The following IPO11 variants were observed in gnomAD, a reference collection of about 807,000 sequenced individuals.
The protein encoded by IPO11 is importin-11.
A neutral mutation model predicts 143.2 loss-of-function variants in IPO11; 66 were observed. The ratio of observed to expected loss-of-function variants is 0.46; its 90% CI spans 0.38 to 0.57. The LOEUF is 0.57. Ranked by LOEUF, IPO11 falls within the 20% of genes least tolerant of loss-of-function variation. The pLI, the probability that IPO11 is intolerant of heterozygous loss-of-function variation, is 0.00. For synonymous variants in IPO11, 385 were observed against 377.8 expected, an observed-to-expected ratio of 1.02 and a Z score of -0.22; for missense variants, 1,026 against 1,141.0, an observed-to-expected ratio of 0.90 and a Z score of 1.45.
At chr5:62,464,914 A>G (rs1745514467) in intron 5 of IPO11, among the ~76,000 whole-genome samples, 4 of 152,354 alleles carry the variant, frequency 2.6e-5, no homozygotes, top group South Asian at 4.1e-4. Flanking sequence ...AAGAAAAGCT[A>G]TAAAATTACT....
chr5:62,433,151 T>G (rs563654295), intron 1 of IPO11, among the ~76,000 whole-genome samples: 11 of 151,630 alleles, frequency 7.3e-5, no homozygotes, highest in Admixed American at 3.3e-4. Context: ...TTTTTGTTTT[T>G]TGTTTTTTTT....
chr5:62,479,860 T>A (rs1343602138), intron 9 of IPO11, among the ~76,000 whole-genome samples: 2 of 152,234 alleles, frequency 1.3e-5, no homozygotes, highest in East Asian at 3.8e-4. Context: ...ATGAGTAGAT[T>A]GCAAAAATTT....
chr5:62,467,546 G>A (rs1745614517), intron 6 of IPO11, among the ~76,000 whole-genome samples: 1 of 151,960 alleles, frequency 6.6e-6, no homozygotes, highest in Non-Finnish European at 1.5e-5. Context: ...TCTAGTTTTT[G>A]TTTCTACTTT....
chr5:62,549,434 A>C (rs1257130108), intron 24 of IPO11, among the ~76,000 whole-genome samples: 2 of 152,180 alleles, frequency 1.3e-5, no homozygotes, highest in African/African-American at 4.8e-5. Context: ...CAGACACTGG[A>C]AGATGCTAAA....
chr5:62,482,421 T>C (rs1746246577), intron 9 of IPO11, among the ~76,000 whole-genome samples: 1 of 152,206 alleles, frequency 6.6e-6, no homozygotes, highest in Non-Finnish European at 1.5e-5. Flanking sequence ...CTTGTGGACA[T>C]TTAGTGCTAT....
chr5:62,513,256 C>CG (rs1229279117), intron 19 of IPO11, among the ~76,000 whole-genome samples: 1 of 150,042 alleles, frequency 6.7e-6, no homozygotes, highest in Non-Finnish European at 1.5e-5. Context: ...GGTGGCCGGG[C>CG]GGGGGGCTGA....
chr5:62,471,592 A>G (rs1038129017), intron 7 of IPO11, among the ~76,000 whole-genome samples: 2 of 152,284 alleles, frequency 1.3e-5, no homozygotes, highest in Admixed American at 6.5e-5. Context: ...TTCTCACTCA[A>G]TTTGATACAA....
chr5:62,445,529 A>G (rs1256319763), intron 3 of IPO11, among the ~76,000 whole-genome samples: 2 of 152,098 alleles, frequency 1.3e-5, no homozygotes, highest in African/African-American at 2.4e-5. Context: ...CGAAAACAAT[A>G]TATATGTATT....
At chr5:62,468,087 A>G (rs1056058456) in intron 6 of IPO11, among the ~76,000 whole-genome samples, 3 of 152,058 alleles carry the variant, frequency 2.0e-5, no homozygotes, top group Non-Finnish European at 4.4e-5. Flanking sequence ...AACTGGGACT[A>G]CAGGCACATG....
chr5:62,451,674 T>G, intron 4 of IPO11, 56 bp from the exon 5 acceptor site: 1 of 1,291,784 alleles, frequency 7.7e-7, no homozygotes, highest in African/African-American at 1.5e-5. Flanking sequence ...TTTGTCACCG[T>G]GAATGCATTC....
intron 29 of IPO11, among the ~76,000 whole-genome samples, chr5:62,605,951 G>A (rs1178120941): frequency 6.6e-6 from 1 of 151,860 alleles, no homozygotes. Flanking sequence ...GGCTGGTCTC[G>A]AACTCTTAGG....
chr5:62,448,052 C>T (rs75611548), intron 3 of IPO11, among the ~76,000 whole-genome samples: 3,234 of 152,036 alleles, frequency 0.021, 125 homozygotes, highest in African/African-American at 0.074. Context: ...TATTTGTCCC[C>T]TTTTTTTTCT....
At chr5:62,494,803 G>T (rs763097372) in intron 16 of IPO11, among the ~76,000 whole-genome samples, 1 of 151,936 alleles carries the variant, frequency 6.6e-6, no homozygotes, top group South Asian at 2.1e-4. Context: ...ATACATGTTC[G>T]CTGTCTTTTC....
At chr5:62,564,725 A>G (rs536452475) in intron 27 of IPO11, among the ~76,000 whole-genome samples, 1 of 152,182 alleles carries the variant, frequency 6.6e-6, no homozygotes, top group Admixed American at 6.5e-5. Flanking sequence ...AGACATTGCC[A>G]TTAGATATCC....
chr5:62,493,906 C>A, intron 15 of IPO11, 92 bp from the exon 16 acceptor site: 2 of 1,174,510 alleles, frequency 1.7e-6, no homozygotes, highest in Non-Finnish European at 2.3e-6. Flanking sequence ...TGCATTCTTA[C>A]TACATTTTAG....
At chr5:62,464,251 C>T (rs1328040839) in intron 5 of IPO11, among the ~76,000 whole-genome samples, 1 of 150,614 alleles carries the variant, frequency 6.6e-6, no homozygotes, top group Non-Finnish European at 1.5e-5. Flanking sequence ...CCGGATTCTC[C>T]CGCCTCAGCC....
intron 22 of IPO11, among the ~76,000 whole-genome samples, chr5:62,535,620 A>G (rs975898403): frequency 6.6e-6 from 1 of 152,060 alleles, no homozygotes. Context: ...CTCATTTTTT[A>G]AAACTGTCAA....
At chr5:62,439,953 A>T (rs1260881733) in intron 2 of IPO11, among the ~76,000 whole-genome samples, 1 of 152,156 alleles carries the variant, frequency 6.6e-6, no homozygotes, top group East Asian at 1.9e-4. Flanking sequence ...TGACATCTGC[A>T]GCTTGACTTT....
chr5:62,489,237 TA>T, intron 13 of IPO11, 64 bp from the exon 14 acceptor site: 1 of 900,166 alleles, frequency 1.1e-6, no homozygotes. Context: ...TGTTTAAATA[TA>T]AATTTTTTAA....
Sources: allele counts gnomAD v4.1 joint callset (sites outside exome capture counted in the v4.1 genomes callset), GRCh38; gene constraint gnomAD v4.1.1; transcripts MANE v1.5; gene names NCBI Gene and HGNC (gene_info 2026-07-23, HGNC 2026-07-21).